Variants in TBC1D24 observed in about 807,000 individuals in gnomAD.
TBC1D24 encodes TBC1 domain family member 24.
Under a neutral mutation model 50.7 loss-of-function variants are expected in TBC1D24, and 47 were observed. That is an observed-to-expected ratio of 0.93 (90% confidence interval 0.73 to 1.18). The LOEUF is 1.18. Among genes scored for constraint, TBC1D24 ranks in the 50% most tolerant of loss-of-function variants. The pLI, the probability that TBC1D24 is intolerant of heterozygous loss-of-function variation, is 0.00. For missense variants in TBC1D24, 688 were observed against 766.5 expected (o/e 0.90, Z 1.21); for synonymous variants, 324 against 335.2 (o/e 0.97, Z 0.36).
At chr16:2,495,033 CAAAA>C (rs2065725956) in intron 1 of TBC1D24, among the ~76,000 whole-genome samples, 1 of 149,370 alleles carries the variant, frequency 6.7e-6, no homozygotes, top group Non-Finnish European at 1.5e-5. Context: ...CACACACACA[CAAAA>C]TAAATAATAA....
At chr16:2,495,683 T>C (rs1383677953) in intron 1 of TBC1D24, among the ~76,000 whole-genome samples, 1 of 151,608 alleles carries the variant, frequency 6.6e-6, no homozygotes, top group Non-Finnish European at 1.5e-5. Context: ...GAAGGCTGAG[T>C]CTGGAGAATC....
Position 2,499,828 on chromosome 16 carries a change from C to A in TBC1D24, c.1207-7C>A, listed in dbSNP as rs1348586468. On this transcript the variant is annotated splice_polypyrimidine_tract_variant and splice_region_variant and intron_variant, in intron 5 of 7. Coordinates refer to ENST00000646147, the MANE Select transcript of TBC1D24 (RefSeq NM_001199107.2). The surrounding 1 kb of genome is among the most constrained non-coding windows in gnomAD (Gnocchi z 4.0). ...CGGGCACAGCCTCACCCAGACCTTT[C>A]CCCCAGGTGTGTGGTGCTTACCTGT... 2 of 1,612,816 alleles carry A rather than the reference C, an allele frequency of 1.2e-6. No individual in the cohort carries two copies. Among genetic ancestry groups the A allele is most frequent in the African/African-American group, 2.7e-5 (2 of 74,890 alleles).
intron 1 of TBC1D24, among the ~76,000 whole-genome samples, chr16:2,476,342 ATGTT>A (rs2065568359): frequency 6.6e-6 from 1 of 152,194 alleles, no homozygotes. Context: ...GCACCTGTAA[ATGTT>A]TGCTCAGTTG....
Position 2,475,579 on chromosome 16 carries a change from G to A in TBC1D24, c.-116+409G>A, listed in dbSNP as rs1356678407. On this transcript the variant is annotated intron_variant, in intron 1 of 7. Transcript: ENST00000646147. The surrounding 1 kb of genome is among the most constrained non-coding windows in gnomAD (Gnocchi z 4.2). ...ATTGCAACAGATTCTGATACGCCCT[G>A]CCCTGTGGACCTGCAGCGGCCCCGG... 6.6e-6 allele frequency among the ~76,000 whole-genome samples: 1 copy of A among 152,124 alleles called. No individual in the cohort carries two copies. Among genetic ancestry groups the A allele is most frequent in the Non-Finnish European group, 1.5e-5 (1 of 67,986 alleles).
At chr16:2,488,523 T>C (rs1400937822) in intron 1 of TBC1D24, among the ~76,000 whole-genome samples, 1 of 126,542 alleles carries the variant, frequency 7.9e-6, no homozygotes, top group African/African-American at 3.7e-5. Flanking sequence ...TTTTTTTTTG[T>C]GGGATGGAGT....
rs570665837 is a variant in TBC1D24 at position 2,494,774 on chromosome 16, G to A, written c.-115-1260G>A. On this transcript the variant is annotated intron_variant, in intron 1 of 7. Transcript: ENST00000646147. ...TCTCATTACTCAGAATCTGTGTGAT[G>A]TATTCCAGTAACTTCATAAGTTCTG... 1.1e-4 allele frequency among the ~76,000 whole-genome samples: 17 copies of A among 152,216 alleles called. No individual in the cohort carries two copies. In the South Asian group the frequency reaches 3.3e-3, roughly 30 times the overall value.
rs892768181 is a variant in TBC1D24 at position 2,482,813 on chromosome 16, A to C, written c.-116+7643A>C. Reference sequence around the variant, plus strand: ...TTGGAGAGACAGGCACGGGCGGTGGAGGAGCAGCCGCGGAGAGGTGAGGGG... The same window carrying C: ...TTGGAGAGACAGGCACGGGCGGTGGCGGAGCAGCCGCGGAGAGGTGAGGGG... On this transcript the variant is annotated intron_variant, in intron 1 of 7. Transcript: ENST00000646147. This position sits in a 1 kb window ranked among gnomAD's most constrained non-coding sequence, Gnocchi z 5.2. Among the ~76,000 whole-genome samples, 1 of 152,010 alleles carries C rather than the reference A, an allele frequency of 6.6e-6. No individual in the cohort carries two copies. Among genetic ancestry groups the C allele is most frequent in the Non-Finnish European group, 1.5e-5 (1 of 67,986 alleles).
chr16:2,499,535 A>G lies in TBC1D24; in HGVS notation c.1206+115A>G, dbSNP rs943705750. ...GGCCTAGGCCTCCTGGGCCAGATCCAGAGTCAGAGCGTGGGTATGGCCAGC... is the reference window on the plus strand; with the variant it reads ...GGCCTAGGCCTCCTGGGCCAGATCCGGAGTCAGAGCGTGGGTATGGCCAGC... On this transcript the variant is annotated intron_variant, in intron 5 of 7. Transcript: ENST00000646147. This position sits in a 1 kb window ranked among gnomAD's most constrained non-coding sequence, Gnocchi z 4.0. The G allele has an allele frequency of 5.2e-6, 5 of 966,350 alleles. No homozygotes were observed. In the Admixed American group the frequency reaches 7.9e-5, roughly 15 times the overall value. 59.9% of individuals were successfully genotyped at this position (966,350 alleles called of 1,614,324 possible). A position where few individuals can be genotyped will look rare whatever the true frequency, so the allele number is the denominator to read the frequency against.
chr16:2,497,227 C>A, intron 2 of TBC1D24, 114 bp downstream of exon 2: 1 of 1,398,574 alleles, frequency 7.2e-7, no homozygotes, highest in Non-Finnish European at 9.9e-7. Context: ...ATGGTCCACC[C>A]AGCCATCTGT....
chr16:2,491,406 A>G (rs1379969704), intron 1 of TBC1D24, among the ~76,000 whole-genome samples: 1 of 150,502 alleles, frequency 6.6e-6, no homozygotes, highest in East Asian at 1.9e-4. Flanking sequence ...TTTTTTTCAG[A>G]CAGGGTCTTG....
Position 2,500,474 on chromosome 16 carries a change from C to T in TBC1D24, c.1509C>T (p.Ser503=), listed in dbSNP as rs189089167. 4,806 of 1,574,478 alleles carry T rather than the reference C, an allele frequency of 3.1e-3. 59 individuals carry two copies. In the African/African-American group the frequency reaches 0.032, roughly 10 times the overall value. The change falls in exon 7 of 8, where the codon AGC becomes AGT. Residue 503 remains serine (S), a synonymous_variant. Coordinates refer to ENST00000646147, the MANE Select transcript of TBC1D24 (RefSeq NM_001199107.2). The surrounding 1 kb of genome is among the most constrained non-coding windows in gnomAD (Gnocchi z 8.0). ...KTESMFMAGG[S]DCLIVGGGGG... is the part of the protein sequence containing the mutation. The stretch of plus-strand genomic sequence containing the variant: ...AGTCCATGTTCATGGCGGGGGGCAG[C>T]GACTGCCTCATCGTCGGTGAGCGCC...
chr16:2,501,137 C>G lies in TBC1D24; in HGVS notation c.*179C>G. On this transcript the variant is annotated 3_prime_UTR_variant, in exon 8 of 8. Coordinates refer to ENST00000646147, the MANE Select transcript of TBC1D24 (RefSeq NM_001199107.2). ...CTGCTGCCTCTACCTGGGGTTTGGG[C>G]TGGGCTTCCCCAGTCCACCTGCATC... 1 of 778,368 alleles carries G rather than the reference C, an allele frequency of 1.3e-6. No individual in the cohort carries two copies. Among genetic ancestry groups the G allele is most frequent in the Admixed American group, 2.6e-5 (1 of 37,924 alleles). The allele number at this position is 778,368 out of a possible 1,614,324, so 48.2% of individuals were successfully genotyped here. A position where few individuals can be genotyped will look rare whatever the true frequency, so the allele number is the denominator to read the frequency against.
Position 2,482,172 on chromosome 16 carries a change from A to G in TBC1D24, c.-116+7002A>G, listed in dbSNP as rs1369073871. The G allele has an allele frequency of 2.6e-5, 4 of 152,248 alleles. No homozygotes were observed. Among genetic ancestry groups the G allele is most frequent in the Admixed American group, 6.5e-5 (1 of 15,280 alleles). The allele number at this position is 152,248 out of a possible 1,614,324, so 9.4% of individuals were successfully genotyped here. On this transcript the variant is annotated intron_variant, in intron 1 of 7. Coordinates refer to ENST00000646147, the MANE Select transcript of TBC1D24 (RefSeq NM_001199107.2). This position sits in a 1 kb window ranked among gnomAD's most constrained non-coding sequence, Gnocchi z 5.2. ...TCAAAATTAAATTTGTCTTGGGCCC[A>G]AGTGGTTTGCGATTTCTCTGAGTCT...
rs778212970 is a variant in TBC1D24 at position 2,496,361 on chromosome 16, C to T, written c.213C>T (p.Ala71=). Residue 71 remains alanine (A), a synonymous_variant, in exon 2 of 8, where the codon GCC becomes GCT. Coordinates refer to ENST00000646147, the MANE Select transcript of TBC1D24 (RefSeq NM_001199107.2). The part of the protein sequence containing the change: ...DIPCRTVTPD[A]SVYSDIVGKI... ...CCTGCCGCACGGTCACGCCTGACGC[C>T]AGCGTGTACAGCGACATCGTGGGCA... 9 of 1,613,372 alleles carry T rather than the reference C, an allele frequency of 5.6e-6. No individual in the cohort carries two copies. In the Admixed American group the frequency reaches 8.3e-5, roughly 15 times the overall value.
rs2065743185 is a variant in TBC1D24 at position 2,496,619 on chromosome 16, C to A, written c.471C>A (p.Arg157=). 6.2e-7 allele frequency: 1 copy of A among 1,611,430 alleles called. No individual in the cohort carries two copies. Among genetic ancestry groups the A allele is most frequent in the African/African-American group, 1.3e-5 (1 of 74,952 alleles). Residue 157 remains arginine, a synonymous_variant, in exon 2 of 8, where the codon CGC becomes CGA. Transcript: ENST00000646147. ...DEAECFEKAC[R]ILACNDPGRR... is the part of the protein sequence containing the mutation. The stretch of plus-strand genomic sequence containing the variant: ...CCGAGTGCTTCGAGAAGGCCTGCCG[C>A]ATCCTGGCCTGCAATGACCCCGGCA...
chr16:2,504,591 T>G lies in TBC1D24; in HGVS notation c.*3633T>G, dbSNP rs1346531408. The G allele has an allele frequency of 6.6e-6, 1 of 151,974 alleles. No homozygotes were observed. Among genetic ancestry groups the G allele is most frequent in the Non-Finnish European group, 1.5e-5 (1 of 68,014 alleles). The allele number at this position is 151,974 out of a possible 1,614,324, so 9.4% of individuals were successfully genotyped here. A position where few individuals can be genotyped will look rare whatever the true frequency, so the allele number is the denominator to read the frequency against. ...CTGCTACCACACCCGGCTAATTTTTTTATATTTTTAGTAGAGATGGGGTTT... is the reference window on the plus strand; with the variant it reads ...CTGCTACCACACCCGGCTAATTTTTGTATATTTTTAGTAGAGATGGGGTTT... On this transcript the variant is annotated 3_prime_UTR_variant, in exon 8 of 8. Coordinates refer to ENST00000646147, the MANE Select transcript of TBC1D24 (RefSeq NM_001199107.2).
At chr16:2,498,496 G>A in intron 4 of TBC1D24, 100 bp downstream of exon 4, 1 of 1,160,086 alleles carries the variant, frequency 8.6e-7, no homozygotes, top group African/African-American at 1.6e-5. Context: ...ACCTGGTGAG[G>A]CCCTGCTTCT....
At chr16:2,476,544 CAGAT>C (rs765542268) in intron 1 of TBC1D24, 1 of 152,266 alleles carries the variant, frequency 6.6e-6, no homozygotes, top group Non-Finnish European at 1.5e-5. Flanking sequence ...TCTGAACACT[CAGAT>C]AGAGGCTTTA....
chr16:2,498,091 A>G, intron 3 of TBC1D24, 147 bp from the exon 4 acceptor site: 5 of 1,071,648 alleles, frequency 4.7e-6, no homozygotes, highest in Non-Finnish European at 6.7e-6. Context: ...TTGGGCACCT[A>G]GAACCCGGCC....
Sources: allele counts gnomAD v4.1 joint callset (sites outside exome capture counted in the v4.1 genomes callset), GRCh38; gene constraint gnomAD v4.1.1; non-coding constraint Gnocchi (gnomAD v3.1); transcripts MANE v1.5; gene names NCBI Gene and HGNC (gene_info 2026-07-23, HGNC 2026-07-21).